Variants in PTP4A3 observed in about 807,000 individuals in gnomAD.
PTP4A3 encodes the protein protein tyrosine phosphatase 4A3.
A neutral mutation model predicts 15.2 loss-of-function variants in PTP4A3; 9 were observed. The ratio of observed to expected loss-of-function variants is 0.59; its 90% CI spans 0.36 to 1.03. The LOEUF (loss-of-function observed/expected upper bound fraction) is 1.03. PTP4A3 is among the 50% of genes least tolerant of loss of function. The probability of loss-of-function intolerance (pLI) is 0.02; values close to 1 mark genes in which losing one functional copy is unlikely to be tolerated. For missense variants in PTP4A3, 234 were observed against 252.1 expected, an observed-to-expected ratio of 0.93 and a Z score of 0.49; for synonymous variants, 95 against 102.0, an observed-to-expected ratio of 0.93 and a Z score of 0.41.
chr8:141,422,330 C>A lies in PTP4A3; in HGVS notation c.90C>A (p.Leu30=). The A allele has an allele frequency of 2.5e-6, 4 of 1,613,508 alleles. No individual in the cohort carries two copies. Among genetic ancestry groups the A allele is most frequent in the Non-Finnish European group, 3.4e-6 (4 of 1,179,988 alleles). ...LITHNPTNAT[L]STFIEDLKKY... ...CCCACAACCCCACCAACGCCACGCT[C>A]AGCACCTTCATTGAGGTGAGTGGAG... Residue 30 remains leucine, a synonymous_variant, in exon 2 of 6, where the codon CTC becomes CTA. Transcript: ENST00000521578.
At chr8:141,418,640 G>A (rs1233150133) in intron 1 of PTP4A3, among the ~76,000 whole-genome samples, 1 of 152,250 alleles carries the variant, frequency 6.6e-6, no homozygotes, top group African/African-American at 2.4e-5. Flanking sequence ...AGGAGGGAAG[G>A]AGGTAGCAGG....
chr8:141,399,035 T>G (rs1832519236), intron 1 of PTP4A3, among the ~76,000 whole-genome samples: 1 of 150,984 alleles, frequency 6.6e-6, no homozygotes, highest in Admixed American at 6.6e-5. Flanking sequence ...GGGTCCCTCC[T>G]GTGACTCAGG....
Position 141,393,812 on chromosome 8 carries a change from C to T in PTP4A3, c.-854+1728C>T, listed in dbSNP as rs141127185. Among the ~76,000 whole-genome samples the T allele has an allele frequency of 8.5e-3, 1,300 of 152,260 alleles. 19 individuals are homozygous for T. The highest frequency in any genetic ancestry group is 0.029 in the African/African-American group (1,206 of 41,536). On this transcript the variant is annotated intron_variant, in intron 1 of 5. Coordinates refer to ENST00000521578, the MANE Select transcript of PTP4A3 (RefSeq NM_032611.3). ...TGGACATGGGAGGCAGGAGGAAGGCCGGGAGGTGGGCAGCTTTCTCAGACA... is the reference window on the plus strand; with the variant it reads ...TGGACATGGGAGGCAGGAGGAAGGCTGGGAGGTGGGCAGCTTTCTCAGACA...
chr8:141,409,698 C>T lies in PTP4A3; in HGVS notation c.-853-11690C>T, dbSNP rs369848224. 1.1e-4 allele frequency among the ~76,000 whole-genome samples: 17 copies of T among 152,368 alleles called. 1 individual carries two copies. The South Asian group carries it at 1.7e-3, about 15-fold the overall frequency. ...TGGGAGAGCAGGTCTCCCTTAGGTC[C>T]GCTGGTTCTGATGGTTCCCCTCCTT... On this transcript the variant is annotated intron_variant, in intron 1 of 5. Coordinates refer to ENST00000521578, the MANE Select transcript of PTP4A3 (RefSeq NM_032611.3).
chr8:141,428,612 G>T (rs1427385551), intron 5 of PTP4A3, among the ~76,000 whole-genome samples: 20 of 152,130 alleles, frequency 1.3e-4, no homozygotes, highest in Admixed American at 1.3e-3. Flanking sequence ...CTGTGTGAGA[G>T]TGTGGCCCGC....
intron 1 of PTP4A3, among the ~76,000 whole-genome samples, chr8:141,412,133 G>T (rs1832886465): frequency 1.3e-5 from 2 of 152,240 alleles, no homozygotes; most frequent in South Asian, 4.1e-4. Context: ...GTATATGGGG[G>T]TGCTGCGCTG....
chr8:141,404,946 T>C (rs887452877), intron 1 of PTP4A3, among the ~76,000 whole-genome samples: 15 of 152,300 alleles, frequency 9.8e-5, no homozygotes, highest in African/African-American at 3.6e-4. Flanking sequence ...ACTGTCTACA[T>C]TGCCAGGAGT....
At chr8:141,402,286 C>T (rs960902829) in intron 1 of PTP4A3, among the ~76,000 whole-genome samples, 1 of 152,190 alleles carries the variant, frequency 6.6e-6, no homozygotes, top group Non-Finnish European at 1.5e-5. Context: ...CCTCTCTCCA[C>T]CACCTCCTCC....
chr8:141,403,473 T>C (rs186280183), intron 1 of PTP4A3, among the ~76,000 whole-genome samples: 11 of 152,314 alleles, frequency 7.2e-5, no homozygotes, highest in African/African-American at 2.4e-4. Context: ...ACATCATCCA[T>C]AAGTTCTTGG....
At chr8:141,399,388 G>A (rs1167072933) in intron 1 of PTP4A3, among the ~76,000 whole-genome samples, 1 of 152,046 alleles carries the variant, frequency 6.6e-6, no homozygotes, top group African/African-American at 2.4e-5. Context: ...GCTGCCCAGA[G>A]GCCCATCTGC....
chr8:141,399,011 G>A (rs987645965), intron 1 of PTP4A3, among the ~76,000 whole-genome samples: 1 of 152,084 alleles, frequency 6.6e-6, no homozygotes, highest in African/African-American at 2.4e-5. Flanking sequence ...GCTCCCGGCT[G>A]CTCTCCTGGC....
At chr8:141,420,387 A>C (rs927882109) in intron 1 of PTP4A3, among the ~76,000 whole-genome samples, 4 of 152,108 alleles carry the variant, frequency 2.6e-5, no homozygotes, top group African/African-American at 9.7e-5. Context: ...AGAGGCCGGC[A>C]CCTTGCTCAA....
chr8:141,403,332 T>C (rs1209919652), intron 1 of PTP4A3, among the ~76,000 whole-genome samples: 5 of 152,074 alleles, frequency 3.3e-5, no homozygotes, highest in African/African-American at 1.2e-4. Context: ...TGGGAGAATG[T>C]TGTGGGATTC....
Position 141,425,199 on chromosome 8 carries a change from G to GGGGGC in PTP4A3, c.198+62_198+63insGCGGG. On this transcript the variant is annotated intron_variant, in intron 3 of 5. Coordinates refer to ENST00000521578, the MANE Select transcript of PTP4A3 (RefSeq NM_032611.3). This position sits in a 1 kb window ranked among gnomAD's most constrained non-coding sequence, Gnocchi z 4.2. ...CTGCCACCGGGGGAGGGTGGGGCGG[G>GGGGGC]GGGCTCCGGGCCTGCGCAGAGGGTT... The GGGGGC allele has an allele frequency of 2.4e-6, 2 of 844,216 alleles. No individual in the cohort carries two copies. The highest frequency in any genetic ancestry group is 2.0e-6 in the Non-Finnish European group (1 of 504,296). 52.3% of individuals were successfully genotyped at this position (844,216 alleles called of 1,614,324 possible). A position where few individuals can be genotyped will look rare whatever the true frequency, so the allele number is the denominator to read the frequency against.
intron 1 of PTP4A3, among the ~76,000 whole-genome samples, chr8:141,409,509 A>G (rs1832813610): frequency 6.6e-6 from 1 of 152,126 alleles, no homozygotes; most frequent in African/African-American, 2.4e-5. Flanking sequence ...CGATGCCCAG[A>G]GCCCCTGAGG....
chr8:141,408,835 C>G (rs897397712), intron 1 of PTP4A3, among the ~76,000 whole-genome samples: 1 of 152,184 alleles, frequency 6.6e-6, no homozygotes, highest in Non-Finnish European at 1.5e-5. Context: ...GGCACCCACC[C>G]AGGGCTCAGG....
Position 141,406,886 on chromosome 8 carries a change from G to A in PTP4A3, c.-853-14502G>A, listed in dbSNP as rs1246871360. Among the ~76,000 whole-genome samples, 1 of 152,244 alleles carries A rather than the reference G, an allele frequency of 6.6e-6. No individual in the cohort carries two copies. The highest frequency in any genetic ancestry group is 1.5e-5 in the Non-Finnish European group (1 of 68,040). On this transcript the variant is annotated intron_variant, in intron 1 of 5. Transcript: ENST00000521578. This position sits in a 1 kb window ranked among gnomAD's most constrained non-coding sequence, Gnocchi z 4.5. ...GCCCTGTGCCCACTGTATGTGCAAG[G>A]TCATGCAGGTTATGCTTTGAACTTC...
In PTP4A3 at chr8:141,425,894, C is replaced by G. The variant is rs1833556105; in HGVS notation, c.198+754C>G. 6.6e-6 allele frequency among the ~76,000 whole-genome samples: 1 copy of G among 152,214 alleles called. No homozygotes were observed. Among genetic ancestry groups the G allele is most frequent in the African/African-American group, 2.4e-5 (1 of 41,448 alleles). The stretch of plus-strand genomic sequence containing the variant: ...ACAGGCCTTGGGCTGCGTCCCGCCT[C>G]TGCCCTCCCCAGCCTTGCGACCCTG... On this transcript the variant is annotated intron_variant, in intron 3 of 5. Transcript: ENST00000521578. The surrounding 1 kb of genome is among the most constrained non-coding windows in gnomAD (Gnocchi z 4.2).
chr8:141,426,236 C>G (rs1291297002), intron 3 of PTP4A3, among the ~76,000 whole-genome samples: 1 of 152,198 alleles, frequency 6.6e-6, no homozygotes, highest in Non-Finnish European at 1.5e-5. Context: ...CTTCCCAAGA[C>G]TGAAACGTGT....
Sources: allele counts gnomAD v4.1 joint callset (sites outside exome capture counted in the v4.1 genomes callset), GRCh38; gene constraint gnomAD v4.1.1; non-coding constraint Gnocchi (gnomAD v3.1); transcripts MANE v1.5; gene names NCBI Gene and HGNC (gene_info 2026-07-23, HGNC 2026-07-21).